PABPC4L: variants seen among roughly 807,000 people sequenced by gnomAD.
PABPC4L encodes the protein polyadenylate-binding protein 4-like.
For synonymous variants in PABPC4L, 169 were observed against 164.1 expected (o/e 1.03, Z -0.23); for missense variants, 452 against 451.4 (o/e 1.00, Z -0.01).
the PABPC4L span, among the ~76,000 whole-genome samples, chr4:134,043,336 T>C: frequency 1.3e-5 from 2 of 152,168 alleles, no homozygotes; most frequent in African/African-American, 4.8e-5. Context: ...CACTGCTACG[T>C]CCCTAATGAG....
At chr4:133,975,044 T>A in the PABPC4L span, among the ~76,000 whole-genome samples, 1 of 152,136 alleles carries the variant, frequency 6.6e-6, no homozygotes, top group African/African-American at 2.4e-5. Flanking sequence ...ATCTTGTACA[T>A]AAATATTCAT....
chr4:134,145,930 T>C, the PABPC4L span, among the ~76,000 whole-genome samples: 1 of 151,922 alleles, frequency 6.6e-6, no homozygotes. Context: ...TTAAAAATGG[T>C]CCTAAATGCT....
the PABPC4L span, among the ~76,000 whole-genome samples, chr4:134,134,114 T>A: frequency 6.6e-6 from 1 of 152,038 alleles, no homozygotes; most frequent in Non-Finnish European, 1.5e-5. Flanking sequence ...AGATGATAAT[T>A]TAATAGTTTT....
the PABPC4L span, among the ~76,000 whole-genome samples, chr4:134,175,191 G>GGTA: frequency 6.6e-6 from 1 of 152,084 alleles, no homozygotes; most frequent in Non-Finnish European, 1.5e-5. Context: ...GCGAAAAGTA[G>GGTA]CTTTGAGTAT....
chr4:134,059,563 A>T, the PABPC4L span, among the ~76,000 whole-genome samples: 1 of 151,410 alleles, frequency 6.6e-6, no homozygotes, highest in Non-Finnish European at 1.5e-5. Context: ...ATCCTCAGGG[A>T]GATAATAGAA....
At chr4:134,101,847 A>G in the PABPC4L span, among the ~76,000 whole-genome samples, 1 of 151,562 alleles carries the variant, frequency 6.6e-6, no homozygotes, top group Non-Finnish European at 1.5e-5. Context: ...AGCTAAAAAT[A>G]GTGTATCCCT....
At chr4:134,075,850 C>T in the PABPC4L span, among the ~76,000 whole-genome samples, 2 of 152,032 alleles carry the variant, frequency 1.3e-5, no homozygotes, top group Non-Finnish European at 2.9e-5. Flanking sequence ...TGGACCATGC[C>T]TCTGCAAGCA....
the PABPC4L span, among the ~76,000 whole-genome samples, chr4:133,980,944 G>A: frequency 6.6e-6 from 1 of 152,262 alleles, no homozygotes; most frequent in Middle Eastern, 3.4e-3. Flanking sequence ...GATCATTTGA[G>A]GTCAGGAGTT....
the PABPC4L span, among the ~76,000 whole-genome samples, chr4:134,169,664 GA>G: frequency 5.3e-5 from 8 of 149,672 alleles, no homozygotes; most frequent in Non-Finnish European, 7.4e-5. Context: ...ATCTGAAAAA[GA>G]AAAAAAAATT....
downstream of PABPC4L, among the ~76,000 whole-genome samples, chr4:134,195,891 C>T (rs1490092098): frequency 6.6e-6 from 1 of 151,576 alleles, no homozygotes; most frequent in African/African-American, 2.4e-5. Flanking sequence ...TTGGGAGATA[C>T]ATATATGTCA....
the PABPC4L span, among the ~76,000 whole-genome samples, chr4:134,099,943 A>C: frequency 6.6e-6 from 1 of 151,694 alleles, no homozygotes; most frequent in South Asian, 2.1e-4. Context: ...TAATGGTCAG[A>C]CCCTGTCCAC....
the PABPC4L span, among the ~76,000 whole-genome samples, chr4:133,988,290 A>G: frequency 1.3e-5 from 2 of 152,192 alleles, no homozygotes; most frequent in African/African-American, 4.8e-5. Context: ...GAAAATATCA[A>G]GTCCAAGGTC....
chr4:133,960,842 G>A, the PABPC4L span, among the ~76,000 whole-genome samples: 1 of 151,946 alleles, frequency 6.6e-6, no homozygotes, highest in African/African-American at 2.4e-5. Flanking sequence ...CAGCCATAAT[G>A]CTCCTAGGTA....
chr4:134,153,808 T>G, the PABPC4L span, among the ~76,000 whole-genome samples: 1 of 130,512 alleles, frequency 7.7e-6, no homozygotes, highest in African/African-American at 2.9e-5. Context: ...CCCCTATGCC[T>G]AGTTTTTTTT....
At chr4:134,090,668 C>G in the PABPC4L span, among the ~76,000 whole-genome samples, 1 of 151,440 alleles carries the variant, frequency 6.6e-6, no homozygotes, top group Non-Finnish European at 1.5e-5. Flanking sequence ...GAGGCTGAGA[C>G]AAAAGGATTG....
chr4:134,112,646 T>G, the PABPC4L span, among the ~76,000 whole-genome samples: 1 of 151,740 alleles, frequency 6.6e-6, no homozygotes, highest in Admixed American at 6.6e-5. Flanking sequence ...TCTATCTATC[T>G]ACATCTATAC....
chr4:133,954,242 T>A, the PABPC4L span, among the ~76,000 whole-genome samples: 1 of 152,190 alleles, frequency 6.6e-6, no homozygotes, highest in African/African-American at 2.4e-5. Flanking sequence ...GGGGAAAGCA[T>A]GTTAGGGTAT....
chr4:134,080,515 A>G, the PABPC4L span, among the ~76,000 whole-genome samples: 1 of 152,180 alleles, frequency 6.6e-6, no homozygotes, highest in African/African-American at 2.4e-5. Context: ...TTTCCAGAGT[A>G]CTAGAGTTGA....
chr4:134,081,762 A>T, the PABPC4L span, among the ~76,000 whole-genome samples: 2 of 152,104 alleles, frequency 1.3e-5, no homozygotes, highest in African/African-American at 4.8e-5. Flanking sequence ...TAACCAAAAA[A>T]ACACAAATAA....
Sources: allele counts gnomAD v4.1 joint callset (sites outside exome capture counted in the v4.1 genomes callset), GRCh38; gene constraint gnomAD v4.1.1; transcripts MANE v1.5; gene names NCBI Gene and HGNC (gene_info 2026-07-23, HGNC 2026-07-21).